Variants in AGBL4 observed in about 807,000 individuals in gnomAD.
AGBL4 encodes the protein cytosolic carboxypeptidase 6.
A neutral mutation model predicts 66.4 loss-of-function variants in AGBL4; 58 were observed. The ratio of observed to expected loss-of-function variants is 0.87; its 90% CI spans 0.71 to 1.09. The LOEUF (loss-of-function observed/expected upper bound fraction) is 1.09. AGBL4 is among the 50% of genes least tolerant of loss of function. The pLI, the probability that AGBL4 is intolerant of heterozygous loss-of-function variation, is 0.00. For synonymous variants in AGBL4, 234 were observed against 222.9 expected, an observed-to-expected ratio of 1.05 and a Z score of -0.44; for missense variants, 579 against 631.0, an observed-to-expected ratio of 0.92 and a Z score of 0.88.
At chr1:49,636,320 A>G (rs1309614282) in intron 3 of AGBL4, among the ~76,000 whole-genome samples, 1 of 152,164 alleles carries the variant, frequency 6.6e-6, no homozygotes, top group Admixed American at 6.6e-5. Flanking sequence ...GTGTTCTTAC[A>G]TGGTATATTG....
At chr1:49,116,411 C>T (rs1432249248) in intron 4 of AGBL4, among the ~76,000 whole-genome samples, 2 of 152,170 alleles carry the variant, frequency 1.3e-5, no homozygotes, top group African/African-American at 4.8e-5. Context: ...TGATACTCCC[C>T]ATCCTGTGTC....
intron 1 of AGBL4, among the ~76,000 whole-genome samples, chr1:49,994,066 A>C (rs1373716049): frequency 6.6e-6 from 1 of 152,160 alleles, no homozygotes; most frequent in East Asian, 1.9e-4. Flanking sequence ...ATTCTAGTCC[A>C]TTCTGGTTTT....
chr1:49,011,520 C>T (rs1662409741), intron 5 of AGBL4, among the ~76,000 whole-genome samples: 1 of 152,166 alleles, frequency 6.6e-6, no homozygotes, highest in African/African-American at 2.4e-5. Flanking sequence ...ACCCTGCCAT[C>T]CCATTACTGG....
chr1:48,985,802 T>A (rs1660139570), intron 5 of AGBL4, among the ~76,000 whole-genome samples: 1 of 151,636 alleles, frequency 6.6e-6, no homozygotes, highest in Non-Finnish European at 1.5e-5. Flanking sequence ...AGCAGGAAAA[T>A]AAATTGAAAT....
intron 4 of AGBL4, among the ~76,000 whole-genome samples, chr1:49,233,867 A>C (rs1338933489): frequency 6.6e-6 from 1 of 152,194 alleles, no homozygotes; most frequent in Non-Finnish European, 1.5e-5. Context: ...ATGTCATTTC[A>C]CAAATTCCTT....
intron 1 of AGBL4, among the ~76,000 whole-genome samples, chr1:49,926,857 T>A (rs1652829476): frequency 6.6e-6 from 1 of 152,018 alleles, no homozygotes; most frequent in South Asian, 2.1e-4. Flanking sequence ...GGGACAGAAC[T>A]AATAGGATAT....
At chr1:49,171,871 C>T (rs1306260248) in intron 4 of AGBL4, among the ~76,000 whole-genome samples, 2 of 152,162 alleles carry the variant, frequency 1.3e-5, no homozygotes, top group Admixed American at 6.5e-5. Context: ...TGGGCAGATA[C>T]TAGACTAAGA....
chr1:49,626,884 C>T (rs1410154719), intron 3 of AGBL4, among the ~76,000 whole-genome samples: 2 of 152,146 alleles, frequency 1.3e-5, no homozygotes, highest in African/African-American at 2.4e-5. Context: ...TATTTAGTGC[C>T]TCTTCCATGG....
chr1:48,699,718 T>C (rs1444432496), intron 6 of AGBL4, among the ~76,000 whole-genome samples: 1 of 152,176 alleles, frequency 6.6e-6, no homozygotes, highest in Non-Finnish European at 1.5e-5. Flanking sequence ...TGAACCTCAG[T>C]TGTCCACAAA....
intron 4 of AGBL4, among the ~76,000 whole-genome samples, chr1:49,206,859 T>TGGAGAGGAGAGGAGAGGAGAGGAGA (rs71056687): frequency 4.7e-5 from 3 of 63,872 alleles, no homozygotes; most frequent in Admixed American, 1.8e-4. Flanking sequence ...AGACTTTAGA[T>TGGAGAGGAGAGGAGAGGAGAGGAGA]GGAGAGGAGA....
intron 11 of AGBL4, among the ~76,000 whole-genome samples, chr1:48,559,889 C>T (rs1004953641): frequency 6.6e-6 from 1 of 152,136 alleles, no homozygotes; most frequent in African/African-American, 2.4e-5. Flanking sequence ...TTGCCCCTCA[C>T]AGGACCTGAC....
chr1:48,618,517 T>C (rs1645356311), intron 9 of AGBL4, among the ~76,000 whole-genome samples: 1 of 152,208 alleles, frequency 6.6e-6, no homozygotes, highest in African/African-American at 2.4e-5. Context: ...AGGGTTAGTT[T>C]GGAGCACCTC....
At chr1:48,683,181 C>T (rs1258978789) in intron 6 of AGBL4, among the ~76,000 whole-genome samples, 1 of 152,200 alleles carries the variant, frequency 6.6e-6, no homozygotes, top group Non-Finnish European at 1.5e-5. Flanking sequence ...ACTTTGCATT[C>T]AAATGTCCAC....
At chr1:49,702,112 T>C (rs1647105847) in intron 2 of AGBL4, among the ~76,000 whole-genome samples, 1 of 152,182 alleles carries the variant, frequency 6.6e-6, no homozygotes, top group Admixed American at 6.5e-5. Flanking sequence ...ATTAAATTAA[T>C]AATCAAAAAA....
At chr1:49,656,927 T>C (rs1646149560) in intron 3 of AGBL4, among the ~76,000 whole-genome samples, 1 of 152,182 alleles carries the variant, frequency 6.6e-6, no homozygotes, top group African/African-American at 2.4e-5. Flanking sequence ...ACTGGAAGCA[T>C]TCCCTTTGAA....
intron 3 of AGBL4, among the ~76,000 whole-genome samples, chr1:49,624,261 C>G (rs542640216): frequency 1.3e-5 from 2 of 152,078 alleles, no homozygotes; most frequent in Admixed American, 6.6e-5. Context: ...AAATTAAAAC[C>G]CTTCAAAGCA....
intron 5 of AGBL4, among the ~76,000 whole-genome samples, chr1:48,986,487 G>C (rs1660186212): frequency 6.6e-6 from 1 of 151,906 alleles, no homozygotes; most frequent in Non-Finnish European, 1.5e-5. Context: ...TGGAAACAAT[G>C]CAAGTGAGAT....
intron 1 of AGBL4, among the ~76,000 whole-genome samples, chr1:49,936,109 T>A (rs1653979808): frequency 6.6e-6 from 1 of 152,106 alleles, no homozygotes; most frequent in Non-Finnish European, 1.5e-5. Context: ...GATGAATGTA[T>A]AACTAGAATA....
At chr1:49,474,592 A>C (rs1646810497) in intron 3 of AGBL4, among the ~76,000 whole-genome samples, 1 of 151,656 alleles carries the variant, frequency 6.6e-6, no homozygotes, top group Non-Finnish European at 1.5e-5. Context: ...TCTCAGCTTG[A>C]ACTTTTTTTT....
Sources: allele counts gnomAD v4.1 joint callset (sites outside exome capture counted in the v4.1 genomes callset), GRCh38; gene constraint gnomAD v4.1.1; transcripts MANE v1.5; gene names NCBI Gene and HGNC (gene_info 2026-07-23, HGNC 2026-07-21).